The following MALRD1 variants were observed in gnomAD, a reference collection of about 807,000 sequenced individuals.
MALRD1 encodes MAM and LDL receptor class A domain containing 1.
MALRD1 carries 247 observed loss-of-function variants against 242.1 expected under a neutral mutation model. The ratio of observed to expected loss-of-function variants is 1.02; its 90% CI spans 0.92 to 1.13. MALRD1 has a LOEUF of 1.13. Ranked by LOEUF, MALRD1 falls within the 50% of genes most tolerant of loss-of-function variation. The probability of loss-of-function intolerance (pLI) is 0.00; values close to 1 mark genes in which losing one functional copy is unlikely to be tolerated. For missense variants in MALRD1, 2,989 were observed against 2,533.1 expected (o/e 1.18, Z -3.86); for synonymous variants, 995 against 866.6 (o/e 1.15, Z -2.60).
rs1428876885 is a variant in MALRD1 at position 19,355,843 on chromosome 10, T to TA, written c.4441+3546_4441+3547insA. ...TGATATTTTTAGGGAAGAACATATA[T>TA]TATATATATATATATTATATATGAT... On this transcript the variant is annotated intron_variant, in intron 26 of 39. Transcript: ENST00000454679. Among the ~76,000 whole-genome samples the TA allele has an allele frequency of 5.8e-3, 170 of 29,164 alleles. 1 individual carries two copies. The highest frequency in any genetic ancestry group is 0.035 in the African/African-American group (149 of 4,220). The allele number at this position is 29,164 out of a possible 152,430, so 19.1% of individuals were successfully genotyped here. A position where few individuals can be genotyped will look rare whatever the true frequency, so the allele number is the denominator to read the frequency against.
intron 18 of MALRD1, among the ~76,000 whole-genome samples, chr10:19,227,414 G>C (rs1382924342): frequency 6.6e-6 from 1 of 151,932 alleles, no homozygotes; most frequent in Non-Finnish European, 1.5e-5. Flanking sequence ...ATTAAAATTG[G>C]ATATTAAATG....
At chr10:19,110,612 A>T (rs368339959) in intron 5 of MALRD1, among the ~76,000 whole-genome samples, 14 of 152,308 alleles carry the variant, frequency 9.2e-5, no homozygotes, top group Admixed American at 7.2e-4. Context: ...ACTGAAGGCA[A>T]TGCAGCCTCT....
intron 36 of MALRD1, among the ~76,000 whole-genome samples, chr10:19,646,559 C>T (rs189066893): frequency 6.6e-6 from 1 of 151,830 alleles, no homozygotes; most frequent in Non-Finnish European, 1.5e-5. Flanking sequence ...GAGCTGAAAT[C>T]GCACCACTGC....
chr10:19,711,887 A>G (rs1015236571), intron 38 of MALRD1, among the ~76,000 whole-genome samples: 3 of 152,172 alleles, frequency 2.0e-5, no homozygotes, highest in African/African-American at 7.2e-5. Context: ...GTAGCAGGGA[A>G]GAAATATAAC....
chr10:19,420,301 G>A (rs961646301), intron 28 of MALRD1, among the ~76,000 whole-genome samples: 5 of 152,256 alleles, frequency 3.3e-5, no homozygotes, highest in African/African-American at 1.2e-4. Flanking sequence ...GTAGGTAATC[G>A]GAATGAGTCA....
At chr10:19,480,115 T>C (rs1040610556) in intron 29 of MALRD1, among the ~76,000 whole-genome samples, 3 of 152,204 alleles carry the variant, frequency 2.0e-5, no homozygotes, top group Admixed American at 1.3e-4. Flanking sequence ...TGAAAGAAGA[T>C]GGTGTGCATC....
intron 18 of MALRD1, among the ~76,000 whole-genome samples, chr10:19,235,223 G>A (rs2131710404): frequency 6.6e-6 from 1 of 152,126 alleles, no homozygotes; most frequent in South Asian, 2.1e-4. Context: ...TTTGAAGTAG[G>A]GCTATAGCTA....
intron 10 of MALRD1, among the ~76,000 whole-genome samples, chr10:19,141,019 A>G (rs1230242162): frequency 6.6e-6 from 1 of 152,222 alleles, no homozygotes; most frequent in African/African-American, 2.4e-5. Context: ...CACTACGTAT[A>G]TGTATATCAA....
At chr10:19,483,913 A>G (rs1837129798) in intron 29 of MALRD1, among the ~76,000 whole-genome samples, 1 of 152,204 alleles carries the variant, frequency 6.6e-6, no homozygotes, top group African/African-American at 2.4e-5. Context: ...AAGAAAATGT[A>G]CATATTATAC....
At chr10:19,707,277 T>G (rs1833910751) in intron 38 of MALRD1, among the ~76,000 whole-genome samples, 1 of 152,070 alleles carries the variant, frequency 6.6e-6, no homozygotes, top group African/African-American at 2.4e-5. Flanking sequence ...GTAACAGGCC[T>G]TATATTTTTA....
intron 30 of MALRD1, among the ~76,000 whole-genome samples, chr10:19,498,263 T>C (rs929849510): frequency 2.6e-5 from 4 of 152,210 alleles, no homozygotes; most frequent in African/African-American, 9.6e-5. Flanking sequence ...ATATTATTCG[T>C]CAATGCATAT....
At chr10:19,382,151 T>C (rs774019870) in intron 26 of MALRD1, among the ~76,000 whole-genome samples, 3 of 152,198 alleles carry the variant, frequency 2.0e-5, no homozygotes, top group Non-Finnish European at 2.9e-5. Context: ...TTTAATAATA[T>C]AAGAGTCTCA....
At chr10:19,589,870 A>G (rs1837669005) in intron 33 of MALRD1, among the ~76,000 whole-genome samples, 1 of 152,058 alleles carries the variant, frequency 6.6e-6, no homozygotes, top group Non-Finnish European at 1.5e-5. Flanking sequence ...TTCCTGATCT[A>G]AGTTTTATTT....
intron 26 of MALRD1, among the ~76,000 whole-genome samples, chr10:19,379,906 T>A (rs1160579786): frequency 6.6e-6 from 1 of 152,122 alleles, no homozygotes; most frequent in East Asian, 1.9e-4. Flanking sequence ...TTATTTCTCC[T>A]TTTGATTCTG....
At chr10:19,343,967 C>T (rs917669623) in intron 24 of MALRD1, among the ~76,000 whole-genome samples, 2 of 152,094 alleles carry the variant, frequency 1.3e-5, no homozygotes, top group Admixed American at 6.6e-5. Context: ...CATATATCCC[C>T]TTGGCTGAAA....
intron 32 of MALRD1, among the ~76,000 whole-genome samples, chr10:19,564,247 A>C (rs1422274151): frequency 6.6e-6 from 1 of 152,178 alleles, no homozygotes; most frequent in East Asian, 1.9e-4. Context: ...AGTCTTCATT[A>C]AAAATAAATG....
At chr10:19,602,236 T>C (rs1838388135) in intron 34 of MALRD1, among the ~76,000 whole-genome samples, 1 of 145,724 alleles carries the variant, frequency 6.9e-6, no homozygotes, top group Non-Finnish European at 1.5e-5. Flanking sequence ...GGGGTGCACG[T>C]GCACAACGTG....
chr10:19,311,517 T>C (rs536033391), intron 21 of MALRD1, among the ~76,000 whole-genome samples: 68 of 151,530 alleles, frequency 4.5e-4, no homozygotes, highest in African/African-American at 1.5e-3. Flanking sequence ...AAAATAAAGA[T>C]TTTTAAAAGT....
intron 5 of MALRD1, among the ~76,000 whole-genome samples, chr10:19,117,374 C>T (rs1836907959): frequency 6.6e-6 from 1 of 151,608 alleles, no homozygotes; most frequent in South Asian, 2.1e-4. Flanking sequence ...ATACATTTGA[C>T]AAGAGCTACG....
Sources: gnomAD v4.1 joint callset for allele counts (sites outside exome capture counted in the v4.1 genomes callset) on GRCh38, gnomAD v4.1.1 for gene constraint, MANE v1.5 for transcripts, NCBI Gene and HGNC (gene_info 2026-07-23, HGNC 2026-07-21) for gene names.